The following PTPRK variants were observed in gnomAD, a reference collection of about 807,000 sequenced individuals.
The protein encoded by PTPRK is receptor-type tyrosine-protein phosphatase kappa.
In PTPRK, 75 loss-of-function variants were observed where a neutral mutation model predicts 178.0. That is an observed-to-expected ratio of 0.42 (90% CI 0.35 to 0.51). PTPRK has a LOEUF of 0.51. Ranked by LOEUF, PTPRK falls within the 20% of genes least tolerant of loss-of-function variation. The probability of loss-of-function intolerance (pLI) is 0.02; values close to 1 mark genes in which losing one functional copy is unlikely to be tolerated. For missense variants in PTPRK, 1,441 were observed against 1,797.8 expected, an observed-to-expected ratio of 0.80 and a Z score of 3.59; for synonymous variants, 637 against 620.6, an observed-to-expected ratio of 1.03 and a Z score of -0.39.
intron 7 of PTPRK, among the ~76,000 whole-genome samples, chr6:128,123,645 A>T (rs902771760): frequency 1.3e-5 from 2 of 152,110 alleles, no homozygotes; most frequent in African/African-American, 4.8e-5. Context: ...ACTTATTTAG[A>T]TTTACTTAGT....
chr6:128,081,100 G>A (rs775659886), intron 10 of PTPRK, among the ~76,000 whole-genome samples: 135 of 151,908 alleles, frequency 8.9e-4, no homozygotes, highest in South Asian at 1.5e-3. Flanking sequence ...TATAAATTTT[G>A]TAGCTGTCTC....
rs1262559753 is a variant in PTPRK at position 128,260,381 on chromosome 6, T to C, written c.496-17779A>G. Among the ~76,000 whole-genome samples, 3 of 152,262 alleles carry C rather than the reference T, an allele frequency of 2.0e-5. No homozygotes were observed. The East Asian group carries it at 5.8e-4, about 29-fold the overall frequency. ...CCACTGCAGTTGTTGAAGGAAAAGA[T>C]GACGGCATTAACCCTGAGGATGCCC... On this transcript the variant is annotated intron_variant, in intron 3 of 29. Coordinates refer to ENST00000368226, the MANE Select transcript of PTPRK (RefSeq NM_002844.4).
chr6:128,442,718 C>T (rs1368063526), intron 1 of PTPRK, among the ~76,000 whole-genome samples: 1 of 152,162 alleles, frequency 6.6e-6, no homozygotes, highest in Admixed American at 6.6e-5. Flanking sequence ...AATGGTAGTA[C>T]AATCTGTACT....
chr6:128,463,254 T>TTCCAAGTTG (rs1329705144), intron 1 of PTPRK, among the ~76,000 whole-genome samples: 2 of 152,206 alleles, frequency 1.3e-5, no homozygotes, highest in African/African-American at 4.8e-5. Context: ...AGCACTGCCC[T>TTCCAAGTTG]TCCAAGTTTG....
intron 3 of PTPRK, among the ~76,000 whole-genome samples, chr6:128,316,768 A>G (rs1250603585): frequency 2.1e-5 from 3 of 142,444 alleles, no homozygotes; most frequent in African/African-American, 8.0e-5. Context: ...CCCAGGCTGG[A>G]GTGCAGTGGT....
intron 6 of PTPRK, among the ~76,000 whole-genome samples, chr6:128,199,288 A>C (rs1805479007): frequency 6.6e-6 from 1 of 152,200 alleles, no homozygotes; most frequent in South Asian, 2.1e-4. Context: ...ATGATGTTCT[A>C]TGATGCATAG....
At chr6:128,125,327 A>G (rs1473108185) in intron 7 of PTPRK, among the ~76,000 whole-genome samples, 1 of 152,092 alleles carries the variant, frequency 6.6e-6, no homozygotes, top group Non-Finnish European at 1.5e-5. Flanking sequence ...TCCTCATGAT[A>G]GTGAGTTCTC....
At chr6:128,048,595 T>A (rs1279424067) in intron 13 of PTPRK, among the ~76,000 whole-genome samples, 1 of 152,152 alleles carries the variant, frequency 6.6e-6, no homozygotes, top group Non-Finnish European at 1.5e-5. Context: ...GACCCTTTAT[T>A]TTTCTTCAAA....
At chr6:128,422,281 C>G (rs375269711) in intron 1 of PTPRK, among the ~76,000 whole-genome samples, 1 of 152,272 alleles carries the variant, frequency 6.6e-6, no homozygotes, top group South Asian at 2.1e-4. Flanking sequence ...CTCTCCCCCA[C>G]CTTCTCCCAA....
At chr6:128,074,841 T>C (rs899413430) in intron 11 of PTPRK, among the ~76,000 whole-genome samples, 1 of 152,050 alleles carries the variant, frequency 6.6e-6, no homozygotes, top group Admixed American at 6.6e-5. Context: ...TTACTTCTTA[T>C]GTAAGCACAA....
chr6:128,296,541 C>T (rs887681683), intron 3 of PTPRK, among the ~76,000 whole-genome samples: 1 of 152,168 alleles, frequency 6.6e-6, no homozygotes, highest in South Asian at 2.1e-4. Flanking sequence ...AGAAACTCTA[C>T]AAGCCAGAAG....
chr6:128,088,168 A>G (rs2115019660), intron 8 of PTPRK, among the ~76,000 whole-genome samples: 1 of 152,276 alleles, frequency 6.6e-6, no homozygotes, highest in South Asian at 2.1e-4. Context: ...ACTCGATGTC[A>G]GGAGTTCAAG....
chr6:128,498,749 A>G (rs1855104369), intron 1 of PTPRK, among the ~76,000 whole-genome samples: 1 of 152,226 alleles, frequency 6.6e-6, no homozygotes, highest in African/African-American at 2.4e-5. Flanking sequence ...TTGACAAAAA[A>G]TTCAGCTGGA....
chr6:128,463,345 G>T (rs1849324563), intron 1 of PTPRK, among the ~76,000 whole-genome samples: 1 of 152,038 alleles, frequency 6.6e-6, no homozygotes, highest in Non-Finnish European at 1.5e-5. Context: ...GCTAGTGTTT[G>T]GATCACCTGG....
At chr6:128,504,798 A>C (rs13216847) in intron 1 of PTPRK, among the ~76,000 whole-genome samples, 10,728 of 152,190 alleles carry the variant, frequency 0.07, 777 homozygotes, top group African/African-American at 0.19. Context: ...GTACACTATC[A>C]TATTTAAGTA....
At chr6:128,335,299 C>T (rs1299703621) in intron 2 of PTPRK, among the ~76,000 whole-genome samples, 3 of 152,042 alleles carry the variant, frequency 2.0e-5, no homozygotes, top group Admixed American at 2.0e-4. Flanking sequence ...GAAGTGGGAA[C>T]TGTCAAAGGA....
intron 7 of PTPRK, among the ~76,000 whole-genome samples, chr6:128,100,617 C>T (rs4573107): frequency 0.95 from 144,581 of 152,038 alleles, 68,808 homozygotes; most frequent in East Asian, 1. Flanking sequence ...TCTTTGTTTC[C>T]TATGAAATCT....
At chr6:128,070,273 A>C (rs1188876766) in intron 11 of PTPRK, among the ~76,000 whole-genome samples, 1 of 152,084 alleles carries the variant, frequency 6.6e-6, no homozygotes, top group Admixed American at 6.6e-5. Context: ...CACTTTGTTC[A>C]TTCTCTACTT....
chr6:127,970,557 T>C (rs535718704), intron 29 of PTPRK, among the ~76,000 whole-genome samples: 22 of 152,180 alleles, frequency 1.4e-4, no homozygotes, highest in Middle Eastern at 3.4e-3. Flanking sequence ...CTGTTTATAA[T>C]AGTAATATTT....
Sources: gnomAD v4.1 joint callset for allele counts (sites outside exome capture counted in the v4.1 genomes callset) on GRCh38, gnomAD v4.1.1 for gene constraint, MANE v1.5 for transcripts, NCBI Gene and HGNC (gene_info 2026-07-23, HGNC 2026-07-21) for gene names.